The following SAMMSON variants were observed in gnomAD, a reference collection of about 807,000 sequenced individuals.
SAMMSON encodes the protein long intergenic non-protein coding RNA 1212.
chr3:70,230,839 A>T (rs1701552564), intron 4 of SAMMSON, among the ~76,000 whole-genome samples: 1 of 152,114 alleles, frequency 6.6e-6, no homozygotes, highest in Non-Finnish European at 1.5e-5. Flanking sequence ...CCCATGCCAC[A>T]CCTGCTGTGT....
intron 3 of SAMMSON, among the ~76,000 whole-genome samples, chr3:70,048,855 A>G (rs2067136269): frequency 6.6e-6 from 1 of 152,106 alleles, no homozygotes; most frequent in Non-Finnish European, 1.5e-5. Flanking sequence ...CCCTACATCT[A>G]CAACAGGAGA....
At chr3:70,284,288 T>C (rs1477486982) in intron 6 of SAMMSON, among the ~76,000 whole-genome samples, 2 of 152,194 alleles carry the variant, frequency 1.3e-5, no homozygotes, top group Admixed American at 6.6e-5. Context: ...TTTATTTCTG[T>C]AAACTGCTCT....
chr3:70,016,279 C>A (rs1184749666), intron 3 of SAMMSON, among the ~76,000 whole-genome samples: 1 of 152,094 alleles, frequency 6.6e-6, no homozygotes, highest in African/African-American at 2.4e-5. Context: ...GATGGAATCT[C>A]ATTGTGGTTT....
chr3:70,296,217 T>C (rs962364890), intron 7 of SAMMSON, among the ~76,000 whole-genome samples: 1 of 152,224 alleles, frequency 6.6e-6, no homozygotes, highest in Admixed American at 6.5e-5. Flanking sequence ...ACATCCTTTT[T>C]CCATGAGCCC....
intron 4 of SAMMSON, among the ~76,000 whole-genome samples, chr3:70,234,403 C>T (rs750302033): frequency 6.6e-6 from 1 of 152,118 alleles, no homozygotes; most frequent in Non-Finnish European, 1.5e-5. Flanking sequence ...AATCCTAGCA[C>T]TTTGGGAAGC....
intron 3 of SAMMSON, among the ~76,000 whole-genome samples, chr3:70,064,577 T>A (rs964781905): frequency 6.6e-6 from 1 of 152,158 alleles, no homozygotes; most frequent in African/African-American, 2.4e-5. Context: ...GCTGGAGGAC[T>A]CTTCTAATTA....
At chr3:70,276,933 A>G (rs563691756) in intron 6 of SAMMSON, among the ~76,000 whole-genome samples, 2 of 152,332 alleles carry the variant, frequency 1.3e-5, no homozygotes, top group South Asian at 4.1e-4. Flanking sequence ...AAATCCTCAC[A>G]TTAATAAAGT....
chr3:70,363,321 C>G (rs1347521678), intron 9 of SAMMSON, among the ~76,000 whole-genome samples: 4 of 151,882 alleles, frequency 2.6e-5, no homozygotes, highest in Non-Finnish European at 4.4e-5. Flanking sequence ...TCTGGAAATC[C>G]TAGCCAGAGA....
intron 9 of SAMMSON, among the ~76,000 whole-genome samples, chr3:70,379,286 CTTTTAAAAAAATAAT>C (rs1432527440): frequency 1.3e-5 from 2 of 152,078 alleles, no homozygotes; most frequent in African/African-American, 4.8e-5. Flanking sequence ...TGTACTTACA[CTTTTAAAAAAATAAT>C]TGTTTAACTG....
At chr3:70,198,235 C>T (rs1045253150) in intron 4 of SAMMSON, among the ~76,000 whole-genome samples, 1 of 152,042 alleles carries the variant, frequency 6.6e-6, no homozygotes. Flanking sequence ...TCTAGATGGG[C>T]TTATCAATTG....
chr3:70,357,003 T>G (rs979284272), intron 8 of SAMMSON, among the ~76,000 whole-genome samples: 1 of 152,192 alleles, frequency 6.6e-6, no homozygotes, highest in African/African-American at 2.4e-5. Context: ...TCACCTACTT[T>G]TGAAGTAGAA....
At chr3:70,094,426 T>C (rs963939257) in intron 4 of SAMMSON, among the ~76,000 whole-genome samples, 1 of 152,188 alleles carries the variant, frequency 6.6e-6, no homozygotes, top group Non-Finnish European at 1.5e-5. Context: ...GACGTTCCAC[T>C]CCATTGCTCT....
At chr3:70,146,071 C>G (rs1377149916) in intron 4 of SAMMSON, among the ~76,000 whole-genome samples, 1 of 151,802 alleles carries the variant, frequency 6.6e-6, no homozygotes, top group Non-Finnish European at 1.5e-5. Context: ...CAAAGCATAC[C>G]AATTCAGCAA....
chr3:70,343,808 A>C (rs1702729850), intron 7 of SAMMSON, among the ~76,000 whole-genome samples: 1 of 151,832 alleles, frequency 6.6e-6, no homozygotes, highest in African/African-American at 2.4e-5. Flanking sequence ...TGTTCTGTAC[A>C]TAGGATTTGT....
At chr3:70,221,547 G>T (rs756820474) in intron 4 of SAMMSON, among the ~76,000 whole-genome samples, 51 of 152,088 alleles carry the variant, frequency 3.4e-4, no homozygotes, top group Non-Finnish European at 6.9e-4. Flanking sequence ...GCCCTCAGGA[G>T]CTTTATGGCC....
chr3:70,359,948 C>T (rs1404273966), intron 9 of SAMMSON, among the ~76,000 whole-genome samples: 2 of 152,130 alleles, frequency 1.3e-5, no homozygotes, highest in Non-Finnish European at 2.9e-5. Context: ...GTGAGACTCA[C>T]ACTTGAAGAG....
At chr3:70,148,061 G>A (rs1488558709) in intron 4 of SAMMSON, among the ~76,000 whole-genome samples, 2 of 152,026 alleles carry the variant, frequency 1.3e-5, no homozygotes, top group African/African-American at 4.8e-5. Flanking sequence ...TTAAGGAAAT[G>A]CAAATTAAAC....
chr3:70,051,591 A>G (rs1190012715), intron 3 of SAMMSON, among the ~76,000 whole-genome samples: 1 of 151,576 alleles, frequency 6.6e-6, no homozygotes, highest in Non-Finnish European at 1.5e-5. Context: ...CGAAGATGGG[A>G]TCTATTTATT....
At chr3:70,306,004 T>C (rs1035565691) in intron 7 of SAMMSON, among the ~76,000 whole-genome samples, 1 of 152,218 alleles carries the variant, frequency 6.6e-6, no homozygotes, top group African/African-American at 2.4e-5. Context: ...ATAACCAGTG[T>C]ATTCAAGGTG....
Sources: allele counts gnomAD v4.1 joint callset (sites outside exome capture counted in the v4.1 genomes callset), GRCh38; gene constraint gnomAD v4.1.1; transcripts MANE v1.5; gene names NCBI Gene and HGNC (gene_info 2026-07-23, HGNC 2026-07-21).